The following MDGA2 variants were observed in gnomAD, a reference collection of about 807,000 sequenced individuals.
The protein encoded by MDGA2 is MAM domain containing glycosylphosphatidylinositol anchor 2, also known as MAM domain-containing glycosylphosphatidylinositol anchor protein 2.
Under a neutral mutation model 117.8 loss-of-function variants are expected in MDGA2, and 40 were observed. The ratio of observed to expected loss-of-function variants is 0.34; its 90% CI spans 0.26 to 0.44. The LOEUF (loss-of-function observed/expected upper bound fraction) is 0.44, where lower values mean the gene tolerates loss of function less well. MDGA2 is among the 20% of genes least tolerant of loss of function. MDGA2 has a pLI of 1.00. For synonymous variants in MDGA2, 452 were observed against 439.0 expected (o/e 1.03, Z -0.37); for missense variants, 1,123 against 1,250.6 (o/e 0.90, Z 1.54).
chr14:47,611,469 G>T (rs1896847289), intron 1 of MDGA2, among the ~76,000 whole-genome samples: 1 of 151,740 alleles, frequency 6.6e-6, no homozygotes, highest in African/African-American at 2.4e-5. Context: ...TTTGACAAGG[G>T]ACTAATACCC....
At chr14:47,073,891 G>A (rs190772283) in intron 6 of MDGA2, among the ~76,000 whole-genome samples, 146 of 151,992 alleles carry the variant, frequency 9.6e-4, no homozygotes, top group African/African-American at 3.3e-3. Flanking sequence ...TCAAACATTC[G>A]CTTTCATTTC....
chr14:47,454,470 A>G (rs929853566), intron 1 of MDGA2, among the ~76,000 whole-genome samples: 1 of 152,246 alleles, frequency 6.6e-6, no homozygotes, highest in Non-Finnish European at 1.5e-5. Flanking sequence ...ACACAGGACC[A>G]AAATCATCTA....
intron 1 of MDGA2, chr14:47,626,526 G>C (rs970193183): frequency 2.0e-5 from 3 of 152,708 alleles, no homozygotes; most frequent in African/African-American, 7.2e-5. Context: ...GGCTGGAGCC[G>C]GCTCCCTCAG....
rs1468337856 is a variant in MDGA2 at position 46,971,508 on chromosome 14, A to C, written c.1820-13865T>G. On this transcript the variant is annotated intron_variant, in intron 8 of 16. Coordinates refer to ENST00000399232, the MANE Select transcript of MDGA2 (RefSeq NM_001113498.3). Reference sequence around the variant, plus strand: ...TTCATATGTGAGAGATTAAAAAATTAGATCTTATGGAGATAGAGTATAGAT... The same window carrying C: ...TTCATATGTGAGAGATTAAAAAATTCGATCTTATGGAGATAGAGTATAGAT... Among the ~76,000 whole-genome samples the C allele has an allele frequency of 3.3e-5, 5 of 152,236 alleles. No homozygotes were observed. The East Asian group carries it at 9.6e-4, about 29-fold the overall frequency.
intron 1 of MDGA2, among the ~76,000 whole-genome samples, chr14:47,547,013 T>TA (rs1295437502): frequency 2.0e-5 from 3 of 152,082 alleles, no homozygotes; most frequent in Non-Finnish European, 2.9e-5. Context: ...AGTTGTTTTT[T>TA]AAAAAAAATT....
intron 5 of MDGA2, among the ~76,000 whole-genome samples, chr14:47,114,438 A>C (rs1485514387): frequency 1.3e-5 from 2 of 152,112 alleles, no homozygotes; most frequent in African/African-American, 2.4e-5. Flanking sequence ...ATTTATATGG[A>C]ACCCAAAAAG....
At chr14:47,028,923 T>C (rs1456976182) in intron 8 of MDGA2, among the ~76,000 whole-genome samples, 1 of 152,180 alleles carries the variant, frequency 6.6e-6, no homozygotes, top group East Asian at 1.9e-4. Context: ...CTCTTGTATT[T>C]CCTCTTTTAT....
chr14:47,170,651 G>C (rs979914011), intron 3 of MDGA2, among the ~76,000 whole-genome samples: 1 of 152,090 alleles, frequency 6.6e-6, no homozygotes, highest in East Asian at 1.9e-4. Context: ...TATTTAATTA[G>C]AACTTTAATG....
intron 1 of MDGA2, among the ~76,000 whole-genome samples, chr14:47,483,517 TTATC>T (rs1467058567): frequency 6.6e-6 from 1 of 152,138 alleles, no homozygotes; most frequent in Non-Finnish European, 1.5e-5. Flanking sequence ...CTCTAATTAT[TTATC>T]TGAGACCTTA....
In MDGA2 at chr14:47,055,078, C is replaced by G. The variant is rs572279029; in HGVS notation, c.1525+6171G>C. ...TTATCTTAATGAAAGTGTTTTGCCT[C>G]TCTCTGTTACATTATCTCCAAATGA... On this transcript the variant is annotated intron_variant, in intron 7 of 16. Transcript: ENST00000399232. Among the ~76,000 whole-genome samples the G allele has an allele frequency of 3.4e-5, 5 of 145,858 alleles. No homozygotes were observed. The East Asian group carries it at 8.2e-4, about 24-fold the overall frequency.
At position 46,884,275 on chromosome 14, in the gene MDGA2, T is replaced by C. The variant is rs1882582981; in HGVS notation, c.2239-2054A>G. ...AACTATTAAGAATCAAAGTTCAAGT[T>C]TGTCTGGGTTGGCAAACAGCTGAGG... On this transcript the variant is annotated intron_variant, in intron 10 of 16. Coordinates refer to ENST00000399232, the MANE Select transcript of MDGA2 (RefSeq NM_001113498.3). The surrounding 1 kb of genome is among the most constrained non-coding windows in gnomAD (Gnocchi z 4.1). 6.6e-6 allele frequency among the ~76,000 whole-genome samples: 1 copy of C among 152,094 alleles called. No individual in the cohort carries two copies. Among genetic ancestry groups the C allele is most frequent in the Non-Finnish European group, 1.5e-5 (1 of 68,006 alleles).
chr14:47,251,898 A>T (rs1887458336), intron 2 of MDGA2, among the ~76,000 whole-genome samples: 1 of 151,986 alleles, frequency 6.6e-6, no homozygotes, highest in South Asian at 2.1e-4. Flanking sequence ...GGAAGTTAAT[A>T]GTATTTGACT....
chr14:47,306,767 G>T (rs8005535), intron 1 of MDGA2, among the ~76,000 whole-genome samples: 22,295 of 151,862 alleles, frequency 0.15, 1,950 homozygotes, highest in South Asian at 0.27. Flanking sequence ...AAACCATGCT[G>T]TGCCAGCATT....
chr14:47,489,246 C>A (rs897129803), intron 1 of MDGA2, among the ~76,000 whole-genome samples: 1 of 151,966 alleles, frequency 6.6e-6, no homozygotes, highest in Non-Finnish European at 1.5e-5. Flanking sequence ...CTAGCACTCT[C>A]AAACACATTT....
intron 5 of MDGA2, among the ~76,000 whole-genome samples, chr14:47,115,875 G>A (rs746848418): frequency 2.0e-5 from 3 of 151,950 alleles, no homozygotes; most frequent in Non-Finnish European, 2.9e-5. Flanking sequence ...TCTGGAATAC[G>A]GAAAGGATGC....
intron 1 of MDGA2, among the ~76,000 whole-genome samples, chr14:47,374,930 A>G (rs893520289): frequency 1.3e-5 from 2 of 151,988 alleles, no homozygotes; most frequent in Admixed American, 6.6e-5. Flanking sequence ...TTATCCCTAC[A>G]ACTAATCATT....
At chr14:47,134,796 TC>T (rs1361604544) in intron 4 of MDGA2, among the ~76,000 whole-genome samples, 2 of 151,058 alleles carry the variant, frequency 1.3e-5, no homozygotes, top group Non-Finnish European at 3.0e-5. Flanking sequence ...TATATATATA[TC>T]ACACACATAA....
At chr14:46,862,891 T>C (rs1881569457) in intron 14 of MDGA2, among the ~76,000 whole-genome samples, 1 of 152,108 alleles carries the variant, frequency 6.6e-6, no homozygotes. Context: ...TTTTTCAACA[T>C]ATAATTGCAG....
chr14:47,246,649 A>G (rs1344747552), intron 2 of MDGA2, among the ~76,000 whole-genome samples: 1 of 151,756 alleles, frequency 6.6e-6, no homozygotes, highest in Non-Finnish European at 1.5e-5. Context: ...GAAGACTAGT[A>G]ATAAGGTCAA....
Sources: gnomAD v4.1 joint callset for allele counts (sites outside exome capture counted in the v4.1 genomes callset) on GRCh38, gnomAD v4.1.1 for gene constraint, Gnocchi (gnomAD v3.1) non-coding constraint, MANE v1.5 for transcripts, NCBI Gene and HGNC (gene_info 2026-07-23, HGNC 2026-07-21) for gene names.